Variants in PRRX2 observed in about 807,000 individuals in gnomAD.
The protein encoded by PRRX2 is paired related homeobox 2, also known as paired mesoderm homeobox protein 2.
PRRX2 carries 11 observed loss-of-function variants against 18.0 expected under a neutral mutation model. The ratio of observed to expected loss-of-function variants is 0.61; its 90% CI spans 0.39 to 1.01. The LOEUF (loss-of-function observed/expected upper bound fraction) is 1.01. Ranked by LOEUF, PRRX2 falls within the 50% of genes least tolerant of loss-of-function variation. The pLI, the probability that PRRX2 is intolerant of heterozygous loss-of-function variation, is 0.01. For synonymous variants in PRRX2, 177 were observed against 154.8 expected, an observed-to-expected ratio of 1.14 and a Z score of -1.06; for missense variants, 387 against 351.0, an observed-to-expected ratio of 1.10 and a Z score of -0.82.
chr9:129,693,641 G>A (rs187443205), intron 1 of PRRX2, among the ~76,000 whole-genome samples: 7 of 151,202 alleles, frequency 4.6e-5, no homozygotes, highest in East Asian at 3.9e-4. Flanking sequence ...GGCAAAACTC[G>A]CCTTGCCATC....
At chr9:129,701,617 C>A (rs1391786316) in intron 1 of PRRX2, among the ~76,000 whole-genome samples, 1 of 152,232 alleles carries the variant, frequency 6.6e-6, no homozygotes, top group African/African-American at 2.4e-5. Context: ...TACGCAGCAT[C>A]CCTGGGTGTG....
At chr9:129,688,677 C>T (rs1832323009) in intron 1 of PRRX2, among the ~76,000 whole-genome samples, 2 of 152,198 alleles carry the variant, frequency 1.3e-5, no homozygotes, top group East Asian at 3.9e-4. Context: ...CAAAGAGACA[C>T]CTGAAACCTG....
At chr9:129,699,919 T>C (rs1832473363) in intron 1 of PRRX2, among the ~76,000 whole-genome samples, 1 of 152,176 alleles carries the variant, frequency 6.6e-6, no homozygotes, top group African/African-American at 2.4e-5. Flanking sequence ...GGCACATGGT[T>C]GCTTCTGCCT....
intron 1 of PRRX2, among the ~76,000 whole-genome samples, chr9:129,689,949 C>T: frequency 6.6e-6 from 1 of 151,684 alleles, no homozygotes; most frequent in African/African-American, 2.4e-5. Context: ...GACGGGGTTT[C>T]ACCGTGTTGG....
In PRRX2 at chr9:129,703,251, G is replaced by A. The variant is rs528473836; in HGVS notation, c.260-15980G>A. 3.9e-5 allele frequency among the ~76,000 whole-genome samples: 6 copies of A among 152,320 alleles called. No homozygotes were observed. In the South Asian group the frequency reaches 6.2e-4, roughly 16 times the overall value. On this transcript the variant is annotated intron_variant, in intron 1 of 3. Transcript: ENST00000372469. ...GTGGGCCGAGCATTCCGACTTGTTC[G>A]GGTAGAGAGGGGTGGCCAATTAAGC...
chr9:129,699,439 ATGTGTGTGTGTG>A (rs3138854), intron 1 of PRRX2, among the ~76,000 whole-genome samples: 22 of 145,604 alleles, frequency 1.5e-4, no homozygotes, highest in East Asian at 4.0e-4. Context: ...AAATATATAT[ATGTGTGTGTGTG>A]TGTGTGTGTG....
In PRRX2 at chr9:129,715,747, TTC is replaced by T. The variant is rs111270890; in HGVS notation, c.260-3481_260-3480del. Among the ~76,000 whole-genome samples, 11 of 112,786 alleles carry T rather than the reference TTC, an allele frequency of 9.8e-5. No homozygotes were observed. Among genetic ancestry groups the T allele is most frequent in the Non-Finnish European group, 1.5e-4 (8 of 52,614 alleles). 74.0% of individuals were successfully genotyped at this position (112,786 alleles called of 152,430 possible). ...TCCAAACCCAGCTTCAGGGACATCT[TTC>T]TCACACACACACACACACACACACA... On this transcript the variant is annotated intron_variant, in intron 1 of 3. Coordinates refer to ENST00000372469, the MANE Select transcript of PRRX2 (RefSeq NM_016307.4). This position sits in a 1 kb window ranked among gnomAD's most constrained non-coding sequence, Gnocchi z 4.0.
At chr9:129,694,247 C>G (rs1186872702) in intron 1 of PRRX2, among the ~76,000 whole-genome samples, 1 of 152,210 alleles carries the variant, frequency 6.6e-6, no homozygotes, top group Non-Finnish European at 1.5e-5. Context: ...ACTGCAACCT[C>G]TGCCTCCTGG....
chr9:129,707,664 G>A (rs1335116845), intron 1 of PRRX2, among the ~76,000 whole-genome samples: 2 of 151,622 alleles, frequency 1.3e-5, no homozygotes, highest in Admixed American at 6.6e-5. Context: ...GGTGATGTGC[G>A]CCTGTAGTCC....
chr9:129,694,767 T>C lies in PRRX2; in HGVS notation c.260-24464T>C, dbSNP rs565026459. ...TGAGGATTCCTCCAAGCTCTGTGTGTGTGTGTGTTTAAAGTACCTGGCACA... is the reference window on the plus strand; with the variant it reads ...TGAGGATTCCTCCAAGCTCTGTGTGCGTGTGTGTTTAAAGTACCTGGCACA... On this transcript the variant is annotated intron_variant, in intron 1 of 3. Transcript: ENST00000372469. Among the ~76,000 whole-genome samples the C allele has an allele frequency of 2.0e-5, 3 of 152,262 alleles. No homozygotes were observed. The East Asian group carries it at 5.8e-4, about 29-fold the overall frequency.
At chr9:129,710,731 CA>C (rs918373260) in intron 1 of PRRX2, among the ~76,000 whole-genome samples, 4 of 152,010 alleles carry the variant, frequency 2.6e-5, no homozygotes, top group African/African-American at 7.2e-5. Context: ...GACTCCATCT[CA>C]AAAAACAAAA....
At chr9:129,676,800 G>C (rs537072225) in intron 1 of PRRX2, among the ~76,000 whole-genome samples, 1 of 152,220 alleles carries the variant, frequency 6.6e-6, no homozygotes, top group Non-Finnish European at 1.5e-5. Context: ...AAGCCGAAGC[G>C]TGATGCCCCC....
chr9:129,684,512 ACACACACACACC>A (rs1240465634), intron 1 of PRRX2, among the ~76,000 whole-genome samples: 2,343 of 44,806 alleles, frequency 0.052, 81 homozygotes, highest in African/African-American at 0.13. Flanking sequence ...ACACACACAC[ACACACACACACC>A]CACACACACC....
At chr9:129,668,500 G>A (rs1274220124) in intron 1 of PRRX2, among the ~76,000 whole-genome samples, 1 of 152,106 alleles carries the variant, frequency 6.6e-6, no homozygotes, top group Non-Finnish European at 1.5e-5. Flanking sequence ...TGGTCTGGCC[G>A]GGGGCGGTGG....
intron 1 of PRRX2, among the ~76,000 whole-genome samples, chr9:129,704,468 G>C (rs1377012990): frequency 2.0e-5 from 3 of 152,154 alleles, no homozygotes; most frequent in African/African-American, 7.2e-5. Context: ...TTTGCTATCT[G>C]GGTGGGCTGC....
chr9:129,673,652 C>CCACA (rs3054761), intron 1 of PRRX2, among the ~76,000 whole-genome samples: 256 of 149,322 alleles, frequency 1.7e-3, no homozygotes, highest in Non-Finnish European at 1.9e-3. Context: ...ACCCCCCATG[C>CCACA]CACACACACA....
intron 1 of PRRX2, among the ~76,000 whole-genome samples, chr9:129,718,411 C>T (rs1365466267): frequency 1.3e-5 from 2 of 152,198 alleles, no homozygotes; most frequent in Non-Finnish European, 2.9e-5. Flanking sequence ...CACGGCCCCA[C>T]CAAAGCTTAT....
Position 129,709,130 on chromosome 9 carries a change from A to G in PRRX2, c.260-10101A>G, listed in dbSNP as rs200291158. Among the ~76,000 whole-genome samples, 1 of 151,930 alleles carries G rather than the reference A, an allele frequency of 6.6e-6. No individual in the cohort carries two copies. The highest frequency in any genetic ancestry group is 1.9e-4 in the East Asian group (1 of 5,170). ...GTCAGCTTTAGCCAGTGCGGTGGGG[A>G]TGGGGGAAGGGTGCCCTAGCTAGAG... On this transcript the variant is annotated intron_variant, in intron 1 of 3. Coordinates refer to ENST00000372469, the MANE Select transcript of PRRX2 (RefSeq NM_016307.4). This position sits in a 1 kb window ranked among gnomAD's most constrained non-coding sequence, Gnocchi z 4.2.
chr9:129,669,369 G>C (rs1222469423), intron 1 of PRRX2, among the ~76,000 whole-genome samples: 2 of 152,246 alleles, frequency 1.3e-5, no homozygotes, highest in African/African-American at 4.8e-5. Context: ...ACAAACCCTG[G>C]TTTGCTGCCT....
Sources: allele counts gnomAD v4.1 joint callset (sites outside exome capture counted in the v4.1 genomes callset), GRCh38; gene constraint gnomAD v4.1.1; non-coding constraint Gnocchi (gnomAD v3.1); transcripts MANE v1.5; gene names NCBI Gene and HGNC (gene_info 2026-07-23, HGNC 2026-07-21).